The following SRSF3 variants were observed in gnomAD, a reference collection of about 807,000 sequenced individuals.
The protein encoded by SRSF3 is serine and arginine rich splicing factor 3, also known as serine/arginine-rich splicing factor 3.
For missense variants in SRSF3, 58 were observed against 217.1 expected (o/e 0.27, Z 4.61); for synonymous variants, 87 against 73.6 (o/e 1.18, Z -0.93).
intron 1 of SRSF3, among the ~76,000 whole-genome samples, 187 bp from the exon 2 acceptor site, chr6:36,596,574 C>CGGGGGGGGGGGGGG (rs34650091): frequency 3.8e-4 from 35 of 91,908 alleles, no homozygotes; most frequent in Non-Finnish European, 4.3e-4. Context: ...GGCGGGGTGG[C>CGGGGGGGGGGGGGG]GGGGGGGGGG....
At chr6:36,600,890 C>A (rs1778699735) in intron 3 of SRSF3, 1 of 361,700 alleles carries the variant, frequency 2.8e-6, no homozygotes, top group Non-Finnish European at 4.9e-6. Context: ...TTGGACAGAT[C>A]TGCTGTGAAG....
In SRSF3 at chr6:36,603,281, C is replaced by CT; in HGVS notation, c.*1293dup. On this transcript the variant is annotated 3_prime_UTR_variant, in exon 6 of 6. Transcript: ENST00000373715. ...TGAGGTGTTGCATGGGAATTCTAAG[C>CT]TGATCCATCATGATGTAAAAGTTCA... 4.4e-6 allele frequency: 1 copy of CT among 225,034 alleles called. No homozygotes were observed. Among genetic ancestry groups the CT allele is most frequent in the East Asian group, 6.5e-5 (1 of 15,438 alleles). The allele number at this position is 225,034 out of a possible 1,614,324, so 13.9% of individuals were successfully genotyped here. A position where few individuals can be genotyped will look rare whatever the true frequency, so the allele number is the denominator to read the frequency against.
intron 2 of SRSF3, 79 bp downstream of exon 2, chr6:36,597,047 G>A (rs1778640892): frequency 4.3e-6 from 5 of 1,175,612 alleles, no homozygotes; most frequent in African/African-American, 1.5e-5. Flanking sequence ...GTGGCTCTTA[G>A]ATGGCTTTCC....
rs1778749267 is a variant in SRSF3 at position 36,603,222 on chromosome 6, C to G, written c.*1233C>G. The G allele has an allele frequency of 8.9e-6, 2 of 224,308 alleles. No homozygotes were observed. Among genetic ancestry groups the G allele is most frequent in the African/African-American group, 2.2e-5 (1 of 44,850 alleles). 13.9% of individuals were successfully genotyped at this position (224,308 alleles called of 1,614,324 possible). ...CTTTTATCTTTAGCATGAAAACTTT[C>G]CACAGGTCTAAAAATTGCTTCCATT... On this transcript the variant is annotated 3_prime_UTR_variant, in exon 6 of 6. Coordinates refer to ENST00000373715, the MANE Select transcript of SRSF3 (RefSeq NM_003017.5).
At chr6:36,597,066 G>A (rs1778641300) in intron 2 of SRSF3, 98 bp downstream of exon 2, 1 of 958,852 alleles carries the variant, frequency 1.0e-6, no homozygotes, top group South Asian at 1.4e-5. Context: ...CCCAATCACT[G>A]GCCAATTGTA....
Position 36,603,741 on chromosome 6 carries a change from TC to T in SRSF3, c.*1754del. 1 of 231,106 alleles carries T rather than the reference TC, an allele frequency of 4.3e-6. No homozygotes were observed. Among genetic ancestry groups the T allele is most frequent in the East Asian group, 6.2e-5 (1 of 16,244 alleles). 14.3% of individuals were successfully genotyped at this position (231,106 alleles called of 1,614,324 possible). A position where few individuals can be genotyped will look rare whatever the true frequency, so the allele number is the denominator to read the frequency against. ...TATTCTCACATAGCCTACAACCTGTTCCTGTTAGGAACAAGCCAAGATAGCT... is the reference window on the plus strand; with the variant it reads ...TATTCTCACATAGCCTACAACCTGTTCTGTTAGGAACAAGCCAAGATAGCT... On this transcript the variant is annotated 3_prime_UTR_variant, in exon 6 of 6. Transcript: ENST00000373715.
Position 36,603,823 on chromosome 6 carries a change from A to G in SRSF3, c.*1834A>G. 1 of 231,740 alleles carries G rather than the reference A, an allele frequency of 4.3e-6. No homozygotes were observed. Among genetic ancestry groups the G allele is most frequent in the South Asian group, 1.8e-4 (1 of 5,512 alleles). The allele number at this position is 231,740 out of a possible 1,614,324, so 14.4% of individuals were successfully genotyped here. A position where few individuals can be genotyped will look rare whatever the true frequency, so the allele number is the denominator to read the frequency against. On this transcript the variant is annotated 3_prime_UTR_variant, in exon 6 of 6. Coordinates refer to ENST00000373715, the MANE Select transcript of SRSF3 (RefSeq NM_003017.5). ...ATTACATTGCTTTTTATAAATGGAC[A>G]ACTTATGTGGGCATTTTTGGGCAGT...
chr6:36,597,556 G>GTGT (rs1211553488), intron 2 of SRSF3, among the ~76,000 whole-genome samples: 2 of 152,114 alleles, frequency 1.3e-5, no homozygotes, highest in African/African-American at 4.8e-5. Context: ...TGTGTTAATA[G>GTGT]TGTCCTGTTA....
rs945364770 is a variant in SRSF3, at chr6:36,604,287, A to G, written c.*2298A>G. 2 of 213,794 alleles carry G rather than the reference A, an allele frequency of 9.4e-6. No homozygotes were observed. The highest frequency in any genetic ancestry group is 1.9e-5 in the Non-Finnish European group (2 of 105,804). 13.2% of individuals were successfully genotyped at this position (213,794 alleles called of 1,614,324 possible). On this transcript the variant is annotated 3_prime_UTR_variant, in exon 6 of 6. Coordinates refer to ENST00000373715, the MANE Select transcript of SRSF3 (RefSeq NM_003017.5). Reference sequence around the variant, plus strand: ...ATACTTGATGACAATGTAAAGAAACATTAAGGATTATATTTGATTGTTTTC... The same window carrying G: ...ATACTTGATGACAATGTAAAGAAACGTTAAGGATTATATTTGATTGTTTTC...
chr6:36,598,675 C>A, intron 2 of SRSF3, 174 bp from the exon 3 acceptor site: 1 of 726,674 alleles, frequency 1.4e-6, no homozygotes, highest in Non-Finnish European at 2.2e-6. Flanking sequence ...TACCACCGTG[C>A]CTGGCCAAAG....
chr6:36,603,194 T>C lies in SRSF3; in HGVS notation c.*1205T>C, dbSNP rs756843558. 2 of 224,202 alleles carry C rather than the reference T, an allele frequency of 8.9e-6. No homozygotes were observed. The highest frequency in any genetic ancestry group is 1.8e-5 in the Non-Finnish European group (2 of 112,156). The allele number at this position is 224,202 out of a possible 1,614,324, so 13.9% of individuals were successfully genotyped here. A position where few individuals can be genotyped will look rare whatever the true frequency, so the allele number is the denominator to read the frequency against. On this transcript the variant is annotated 3_prime_UTR_variant, in exon 6 of 6. Coordinates refer to ENST00000373715, the MANE Select transcript of SRSF3 (RefSeq NM_003017.5). ...ACAAAGTAAGTTGCCCATTAACAAATGGCTTTTATCTTTAGCATGAAAACT... is the reference window on the plus strand; with the variant it reads ...ACAAAGTAAGTTGCCCATTAACAAACGGCTTTTATCTTTAGCATGAAAACT...
intron 1 of SRSF3, among the ~76,000 whole-genome samples, chr6:36,596,002 G>GC (rs1307568925): frequency 1.3e-5 from 2 of 152,044 alleles, no homozygotes; most frequent in Non-Finnish European, 2.9e-5. Context: ...TCGGCTCACT[G>GC]CCACCTCCGC....
rs1021262714 is a variant in SRSF3 at position 36,594,393 on chromosome 6, G to C, written c.-91G>C. The C allele has an allele frequency of 1.3e-5, 2 of 152,658 alleles. No individual in the cohort carries two copies. The highest frequency in any genetic ancestry group is 3.8e-4 in the East Asian group (2 of 5,206). The allele number at this position is 152,658 out of a possible 1,614,324, so 9.5% of individuals were successfully genotyped here. A position where few individuals can be genotyped will look rare whatever the true frequency, so the allele number is the denominator to read the frequency against. On this transcript the variant is annotated 5_prime_UTR_variant, in exon 1 of 6. Coordinates refer to ENST00000373715, the MANE Select transcript of SRSF3 (RefSeq NM_003017.5). ...TTTCGTGGACGCCGGGTGAGTGAGA[G>C]AGTTGGTTGGTGTTGGGCCGGAGGA...
intron 3 of SRSF3, chr6:36,600,172 C>G: frequency 3.7e-6 from 4 of 1,076,114 alleles, no homozygotes; most frequent in African/African-American, 1.6e-5. Flanking sequence ...CGCCAACCAA[C>G]TAAATCCAAC....
At chr6:36,600,444 T>A in intron 3 of SRSF3, 1 of 244,466 alleles carries the variant, frequency 4.1e-6, no homozygotes, top group Non-Finnish European at 6.6e-6. Context: ...GTAATGTAAC[T>A]AGGCCTTCAA....
rs757567314 is a variant in SRSF3 at position 36,602,372 on chromosome 6, AGCTGGGATATAGGCTGCAG to A, written c.*384_*402del. On this transcript the variant is annotated 3_prime_UTR_variant, in exon 6 of 6. Coordinates refer to ENST00000373715, the MANE Select transcript of SRSF3 (RefSeq NM_003017.5). ...AACTAAGATTTACTTTTTTTTCCAT[AGCTGGGATATAGGCTGCAG>A]CTATAGTTGAACAAGCAGTCTTTAA... 5.2e-5 allele frequency: 13 copies of A among 249,034 alleles called. No homozygotes were observed. The highest frequency in any genetic ancestry group is 2.7e-4 in the Admixed American group (5 of 18,498). The allele number at this position is 249,034 out of a possible 1,614,324, so 15.4% of individuals were successfully genotyped here.
In SRSF3 at chr6:36,604,865, C is replaced by G. The variant is rs1032717259; in HGVS notation, c.*2876C>G. 5 of 152,148 alleles carry G rather than the reference C, an allele frequency of 3.3e-5. No homozygotes were observed. The highest frequency in any genetic ancestry group is 1.2e-4 in the African/African-American group (5 of 41,418). The allele number at this position is 152,148 out of a possible 1,614,324, so 9.4% of individuals were successfully genotyped here. On this transcript the variant is annotated 3_prime_UTR_variant, in exon 6 of 6. Transcript: ENST00000373715. ...AATACCCTTGGTGATGTGAGAACCA[C>G]TAGTTTAGTATTTTGTCCAAGTATG...
intron 1 of SRSF3, 21 bp from the exon 2 acceptor site, chr6:36,596,740 T>G (rs763619153): frequency 3.4e-5 from 55 of 1,604,442 alleles, no homozygotes; most frequent in Non-Finnish European, 4.1e-5. Context: ...GAATGAATAT[T>G]TTTGGTATTT....
intron 3 of SRSF3, chr6:36,599,982 G>A: frequency 7.8e-7 from 1 of 1,288,552 alleles, no homozygotes; most frequent in Non-Finnish European, 1.0e-6. Context: ...TTTGGTTCCC[G>A]AGCATGCTGT....
Sources: gnomAD v4.1 joint callset for allele counts (sites outside exome capture counted in the v4.1 genomes callset) on GRCh38, gnomAD v4.1.1 for gene constraint, MANE v1.5 for transcripts, NCBI Gene and HGNC (gene_info 2026-07-23, HGNC 2026-07-21) for gene names.